Variants in CCSER1 observed in about 807,000 individuals in gnomAD.
CCSER1 encodes coiled-coil serine rich protein 1, also known as serine-rich coiled-coil domain-containing protein 1.
Under a neutral mutation model 82.0 loss-of-function variants are expected in CCSER1, and 41 were observed. The observed-to-expected ratio is 0.50, with a 90% CI of 0.39 to 0.65. The LOEUF is 0.65. Among genes scored for constraint, CCSER1 ranks in the 30% least tolerant of loss-of-function variants. The pLI is 0.00. For missense variants in CCSER1, 1,119 were observed against 1,064.2 expected, an observed-to-expected ratio of 1.05 and a Z score of -0.72; for synonymous variants, 414 against 383.9, an observed-to-expected ratio of 1.08 and a Z score of -0.92.
intron 10 of CCSER1, among the ~76,000 whole-genome samples, chr4:91,567,931 C>T (rs1396428340): frequency 1.3e-5 from 2 of 151,900 alleles, no homozygotes; most frequent in Non-Finnish European, 2.9e-5. Context: ...ATTATGTTGG[C>T]TTGTTTTTGT....
chr4:90,537,706 A>G (rs1775587357), intron 5 of CCSER1, among the ~76,000 whole-genome samples: 1 of 152,034 alleles, frequency 6.6e-6, no homozygotes, highest in Non-Finnish European at 1.5e-5. Flanking sequence ...ACTTTTCTTC[A>G]CTTTTATCTA....
intron 3 of CCSER1, among the ~76,000 whole-genome samples, chr4:90,394,428 T>C (rs1751669130): frequency 6.6e-6 from 1 of 152,220 alleles, no homozygotes; most frequent in African/African-American, 2.4e-5. Context: ...GTAGTCAGTA[T>C]GGCTGAAAGA....
intron 8 of CCSER1, among the ~76,000 whole-genome samples, chr4:90,836,125 G>A (rs1220741766): frequency 6.6e-6 from 1 of 152,036 alleles, no homozygotes; most frequent in East Asian, 1.9e-4. Context: ...TGACACTGTT[G>A]GATAAAAAAT....
At chr4:90,276,306 CCTTTCTTTCTT>C (rs1727765234) in intron 1 of CCSER1, among the ~76,000 whole-genome samples, 3 of 101,228 alleles carry the variant, frequency 3.0e-5, no homozygotes, top group East Asian at 5.8e-4. Flanking sequence ...TTCCTTCCTT[CCTTTCTTTCTT>C]TTTCTTTCTT....
intron 8 of CCSER1, among the ~76,000 whole-genome samples, chr4:90,839,754 T>C (rs982179067): frequency 6.6e-6 from 1 of 152,170 alleles, no homozygotes; most frequent in Non-Finnish European, 1.5e-5. Context: ...GTGCAGAAGA[T>C]AGAACAAAGT....
rs1731330457 is a variant in CCSER1 at position 91,160,941 on chromosome 4, C to T, written c.2217+74947C>T. ...ATTTATCTATTTTGGTTTCTGTTGC[C>T]ATTGCTTTTGGTGTTTTAGTCATGA... is the stretch of plus-strand genomic sequence containing the variant. On this transcript the variant is annotated intron_variant, in intron 10 of 10. Coordinates refer to ENST00000509176, the MANE Select transcript of CCSER1 (RefSeq NM_001145065.2). 2.6e-5 allele frequency among the ~76,000 whole-genome samples: 4 copies of T among 152,012 alleles called. No homozygotes were observed. The South Asian group carries it at 8.3e-4, about 32-fold the overall frequency.
chr4:90,882,200 G>T (rs1484604423), intron 8 of CCSER1, among the ~76,000 whole-genome samples: 1 of 151,948 alleles, frequency 6.6e-6, no homozygotes, highest in Non-Finnish European at 1.5e-5. Context: ...AGCAAAATGT[G>T]AATGAAAATA....
Position 90,874,103 on chromosome 4 carries a change from G to A in CCSER1, c.2095-49267G>A, listed in dbSNP as rs114117084. On this transcript the variant is annotated intron_variant, in intron 8 of 10. Transcript: ENST00000509176. ...CTTCCATCTTCAATTTAAAAAGTTA[G>A]CTAGGTACCCACTCAGAATAATTGA... Among the ~76,000 whole-genome samples the A allele has an allele frequency of 2.3e-3, 351 of 152,120 alleles. 1 individual carries two copies. The highest frequency in any genetic ancestry group is 8.2e-3 in the African/African-American group (340 of 41,502).
intron 9 of CCSER1, among the ~76,000 whole-genome samples, chr4:90,977,153 A>G (rs1010146787): frequency 4.0e-5 from 6 of 151,586 alleles, no homozygotes; most frequent in Non-Finnish European, 8.9e-5. Context: ...CCAACTTGTG[A>G]CAACGAGAAC....
chr4:90,885,928 G>A (rs568849859), intron 8 of CCSER1, among the ~76,000 whole-genome samples: 2 of 151,782 alleles, frequency 1.3e-5, no homozygotes, highest in East Asian at 3.9e-4. Flanking sequence ...TCTCAATCCT[G>A]TCACTGACAC....
intron 10 of CCSER1, among the ~76,000 whole-genome samples, chr4:91,469,369 A>G (rs898976470): frequency 2.6e-5 from 4 of 152,328 alleles, no homozygotes; most frequent in Non-Finnish European, 5.9e-5. Flanking sequence ...GGTGGACTAC[A>G]TGTATTTCTA....
chr4:91,036,970 A>C (rs1471469026), intron 9 of CCSER1, among the ~76,000 whole-genome samples: 1 of 152,018 alleles, frequency 6.6e-6, no homozygotes, highest in East Asian at 1.9e-4. Flanking sequence ...CTCGCTACTC[A>C]GGAGGCTCAG....
intron 10 of CCSER1, among the ~76,000 whole-genome samples, chr4:91,462,711 A>G (rs1756579282): frequency 6.6e-6 from 1 of 152,152 alleles, no homozygotes; most frequent in Non-Finnish European, 1.5e-5. Context: ...AGGAGATTAT[A>G]TCTTGTGCCT....
intron 10 of CCSER1, among the ~76,000 whole-genome samples, chr4:91,208,605 T>C (rs1053501575): frequency 6.6e-6 from 1 of 151,990 alleles, no homozygotes; most frequent in Non-Finnish European, 1.5e-5. Flanking sequence ...TTTGTACTAG[T>C]ACCATGCTGT....
intron 9 of CCSER1, among the ~76,000 whole-genome samples, chr4:90,946,138 A>T (rs964726653): frequency 7.2e-5 from 11 of 152,192 alleles, no homozygotes; most frequent in Admixed American, 7.2e-4. Context: ...GACACTAATA[A>T]TTATAATGAT....
intron 5 of CCSER1, among the ~76,000 whole-genome samples, chr4:90,576,873 G>C (rs984502485): frequency 6.6e-6 from 1 of 152,050 alleles, no homozygotes; most frequent in African/African-American, 2.4e-5. Context: ...TTCAACTTTG[G>C]GGTGGTAAAT....
At chr4:91,501,108 AATATT>A (rs1011213312) in intron 10 of CCSER1, among the ~76,000 whole-genome samples, 8 of 151,842 alleles carry the variant, frequency 5.3e-5, no homozygotes, top group African/African-American at 1.7e-4. Context: ...TCAAGCTGAA[AATATT>A]ATATTAATCA....
chr4:90,204,326 G>A (rs1738364481), intron 1 of CCSER1, among the ~76,000 whole-genome samples: 1 of 152,120 alleles, frequency 6.6e-6, no homozygotes, highest in African/African-American at 2.4e-5. Flanking sequence ...TGATTTTTAG[G>A]TCTTACATTT....
At chr4:90,977,912 T>A (rs1189880235) in intron 9 of CCSER1, among the ~76,000 whole-genome samples, 1 of 151,668 alleles carries the variant, frequency 6.6e-6, no homozygotes. Flanking sequence ...ATATTCTCAA[T>A]TCCTTTTCAA....
Sources: allele counts gnomAD v4.1 joint callset (sites outside exome capture counted in the v4.1 genomes callset), GRCh38; gene constraint gnomAD v4.1.1; transcripts MANE v1.5; gene names NCBI Gene and HGNC (gene_info 2026-07-23, HGNC 2026-07-21).